FKBP5: variants seen among roughly 807,000 people sequenced by gnomAD.
The protein encoded by FKBP5 is FKBP prolyl isomerase 5.
FKBP5 carries 23 observed loss-of-function variants against 50.5 expected under a neutral mutation model. The ratio of observed to expected loss-of-function variants is 0.46; its 90% CI spans 0.33 to 0.65. FKBP5 has a LOEUF of 0.65. FKBP5 is among the 30% of genes least tolerant of loss of function. The pLI, the probability that FKBP5 is intolerant of heterozygous loss-of-function variation, is 0.02. For synonymous variants in FKBP5, 176 were observed against 190.6 expected, an observed-to-expected ratio of 0.92 and a Z score of 0.63; for missense variants, 411 against 553.1, an observed-to-expected ratio of 0.74 and a Z score of 2.58.
chr6:35,577,059 G>A lies in FKBP5; in HGVS notation c.1201C>T (p.His401Tyr). The change falls in exon 10 of 11, where the codon CAC (histidine) becomes TAC (tyrosine). Residue 401 changes from histidine to tyrosine, a missense_variant. This residue lies in a region of FKBP5 where 88 missense variants were observed against 89.0 expected (regional missense o/e 0.99). Transcript: ENST00000357266. The stretch of plus-strand genomic sequence containing the variant: ...TATATCCTGCGGTCCCGCTCGTTGT[G>A]CTCCTTGGCCTTTTTCTGGCACATG... ...ISMCQKKAKE[H>Y]NERDRRIYAN... The A allele has an allele frequency of 6.2e-7, 1 of 1,614,158 alleles. No homozygotes were observed. The highest frequency in any genetic ancestry group is 1.1e-5 in the South Asian group (1 of 91,080).
chr6:35,709,051 A>G (rs1766369544), intron 2 of FKBP5, among the ~76,000 whole-genome samples: 1 of 152,196 alleles, frequency 6.6e-6, no homozygotes, highest in Admixed American at 6.6e-5. Flanking sequence ...GTCTGTTTTC[A>G]CGCTGCTGAT....
At chr6:35,667,019 CTG>C (rs35407744) in intron 1 of FKBP5, among the ~76,000 whole-genome samples, 3,663 of 148,822 alleles carry the variant, frequency 0.025, 55 homozygotes, top group East Asian at 0.055. Flanking sequence ...GTGTGTGTGT[CTG>C]TGTGTGTGTG....
At chr6:35,576,868 A>C (rs1053251775) in intron 10 of FKBP5, 126 bp downstream of exon 10, 1 of 1,202,946 alleles carries the variant, frequency 8.3e-7, no homozygotes, top group African/African-American at 1.5e-5. Flanking sequence ...GCAGCCTCAG[A>C]TTAGATTGGA....
At position 35,659,096 on chromosome 6, in the gene FKBP5, T is replaced by C. The variant is rs1021118092; in HGVS notation, c.-19-16253A>G. Among the ~76,000 whole-genome samples, 8 of 83,676 alleles carry C rather than the reference T, an allele frequency of 9.6e-5. 3 individuals carry two copies. The highest frequency in any genetic ancestry group is 1.9e-4 in the Non-Finnish European group (7 of 36,368). The allele number at this position is 83,676 out of a possible 152,430, so 54.9% of individuals were successfully genotyped here. A position where few individuals can be genotyped will look rare whatever the true frequency, so the allele number is the denominator to read the frequency against. Reference sequence around the variant, plus strand: ...CCTGGTTCAGGAAGAAATAAGTAAATAAATAATAAAAATCATAGAGTGACT... The same window carrying C: ...CCTGGTTCAGGAAGAAATAAGTAAACAAATAATAAAAATCATAGAGTGACT... On this transcript the variant is annotated intron_variant, in intron 1 of 10. Transcript: ENST00000357266.
chr6:35,595,026 A>G (rs1478808358), intron 6 of FKBP5, among the ~76,000 whole-genome samples: 1 of 152,182 alleles, frequency 6.6e-6, no homozygotes, highest in African/African-American at 2.4e-5. Context: ...CTGCGGGCTC[A>G]TGTGTGCCCT....
At chr6:35,578,282 C>T (rs949359167) in intron 9 of FKBP5, among the ~76,000 whole-genome samples, 8 of 152,044 alleles carry the variant, frequency 5.3e-5, no homozygotes, top group Admixed American at 5.2e-4. Context: ...ATCTCCTGGG[C>T]TCAGGCAATC....
At chr6:35,594,501 G>C (rs936517491) in intron 6 of FKBP5, among the ~76,000 whole-genome samples, 2 of 152,082 alleles carry the variant, frequency 1.3e-5, no homozygotes, top group Admixed American at 6.5e-5. Flanking sequence ...CATACTTATA[G>C]CAACATTTAG....
At chr6:35,709,877 T>TAA (rs35553126) in intron 2 of FKBP5, among the ~76,000 whole-genome samples, 74,782 of 149,010 alleles carry the variant, frequency 0.5, 18,746 homozygotes, top group East Asian at 0.63. Flanking sequence ...TGCTTTTAGG[T>TAA]AAAAAAAAAA....
chr6:35,626,503 T>TA (rs535968033), intron 3 of FKBP5, among the ~76,000 whole-genome samples: 45 of 151,900 alleles, frequency 3.0e-4, no homozygotes, highest in Middle Eastern at 3.4e-3. Context: ...TGTGGGGGGA[T>TA]AAAAAAAAGC....
At chr6:35,580,908 GTTACT>G (rs2150952074) in intron 8 of FKBP5, 2 of 985,342 alleles carry the variant, frequency 2.0e-6, no homozygotes, top group East Asian at 1.1e-4. Flanking sequence ...TGAAAAGGAA[GTTACT>G]TTTCTTTTCA....
chr6:35,602,212 C>T (rs1763167897), intron 5 of FKBP5, among the ~76,000 whole-genome samples: 1 of 152,064 alleles, frequency 6.6e-6, no homozygotes, highest in African/African-American at 2.4e-5. Context: ...TGCAAGAACC[C>T]CTAAACCATG....
chr6:35,584,678 G>A, intron 8 of FKBP5: 1 of 985,372 alleles, frequency 1.0e-6, no homozygotes, highest in South Asian at 4.7e-5. Flanking sequence ...AGTTTTTAGT[G>A]GTACAAAATG....
intron 5 of FKBP5, among the ~76,000 whole-genome samples, chr6:35,614,026 G>C (rs72913427): frequency 0.066 from 10,008 of 152,160 alleles, 481 homozygotes; most frequent in Admixed American, 0.12. Flanking sequence ...CTTCTGGGTA[G>C]CTGGGACTAG....
At chr6:35,580,252 C>CAAG (rs1460930384) in intron 8 of FKBP5, 31 bp from the exon 9 acceptor site, 1 of 1,578,490 alleles carries the variant, frequency 6.3e-7, no homozygotes, top group Non-Finnish European at 8.7e-7. Context: ...TACTTGTACT[C>CAAG]AGCTCTTGAG....
intron 8 of FKBP5, chr6:35,581,578 A>G (rs1359645064): frequency 1.0e-6 from 1 of 966,714 alleles, no homozygotes. Flanking sequence ...TGACAGAGCG[A>G]GACTCCTCAA....
chr6:35,587,964 A>G (rs978370589), intron 7 of FKBP5, among the ~76,000 whole-genome samples: 7 of 152,118 alleles, frequency 4.6e-5, no homozygotes, highest in Non-Finnish European at 7.3e-5. Context: ...TATTCAAAAG[A>G]TAACGAGTGT....
chr6:35,685,269 T>G (rs1186172697), intron 1 of FKBP5, among the ~76,000 whole-genome samples: 1 of 152,204 alleles, frequency 6.6e-6, no homozygotes, highest in Non-Finnish European at 1.5e-5. Flanking sequence ...TACTGTCTTT[T>G]ACATAGTAAA....
intron 10 of FKBP5, among the ~76,000 whole-genome samples, chr6:35,576,462 AGG>A (rs1178853621): frequency 6.6e-6 from 1 of 152,158 alleles, no homozygotes; most frequent in Non-Finnish European, 1.5e-5. Flanking sequence ...CCTTGAAGCC[AGG>A]GGTTCGAGAC....
At chr6:35,652,667 C>G (rs1337958630) in intron 1 of FKBP5, among the ~76,000 whole-genome samples, 1 of 152,096 alleles carries the variant, frequency 6.6e-6, no homozygotes, top group Non-Finnish European at 1.5e-5. Context: ...ACAATGGTGC[C>G]CGAAACTTTA....
Sources: allele counts gnomAD v4.1 joint callset (sites outside exome capture counted in the v4.1 genomes callset), GRCh38; gene constraint gnomAD v4.1.1; regional missense constraint gnomAD v4.1.1; transcripts MANE v1.5; gene names NCBI Gene and HGNC (gene_info 2026-07-23, HGNC 2026-07-21).